PCGF5: variants seen among roughly 807,000 people sequenced by gnomAD.
PCGF5 encodes polycomb group ring finger 5.
A neutral mutation model predicts 44.3 loss-of-function variants in PCGF5; 9 were observed. The observed-to-expected ratio is 0.20, with a 90% confidence interval of 0.12 to 0.35. The LOEUF (loss-of-function observed/expected upper bound fraction) is 0.35, where lower values mean the gene tolerates loss of function less well. Among genes scored for constraint, PCGF5 ranks in the 10% least tolerant of loss-of-function variants. The pLI, the probability that PCGF5 is intolerant of heterozygous loss-of-function variation, is 1.00. For synonymous variants in PCGF5, 95 were observed against 102.5 expected (o/e 0.93, Z 0.44); for missense variants, 146 against 305.3 (o/e 0.48, Z 3.89).
intron 6 of PCGF5, among the ~76,000 whole-genome samples, chr10:91,259,973 A>G (rs1845856131): frequency 6.6e-6 from 1 of 151,796 alleles, no homozygotes; most frequent in African/African-American, 2.4e-5. Context: ...ATGGGATCTA[A>G]TTAAACTAAA....
intron 2 of PCGF5, among the ~76,000 whole-genome samples, chr10:91,226,324 G>A (rs541346028): frequency 8.1e-5 from 11 of 136,338 alleles, no homozygotes; most frequent in African/African-American, 2.4e-4. Context: ...ATGCTGTTAA[G>A]TGCAATGAGG....
At chr10:91,201,698 G>A (rs1004247995) in intron 1 of PCGF5, among the ~76,000 whole-genome samples, 20 of 149,318 alleles carry the variant, frequency 1.3e-4, no homozygotes, top group Non-Finnish European at 2.5e-4. Flanking sequence ...CATTTGTTCT[G>A]TATTGAGTTC....
At chr10:91,202,779 GGC>G (rs1844276702) in intron 1 of PCGF5, among the ~76,000 whole-genome samples, 1 of 152,060 alleles carries the variant, frequency 6.6e-6, no homozygotes, top group South Asian at 2.1e-4. Context: ...CGAAAAGATT[GGC>G]CATTTATGCT....
chr10:91,273,997 A>G (rs1023639727), intron 9 of PCGF5, among the ~76,000 whole-genome samples: 5 of 151,914 alleles, frequency 3.3e-5, no homozygotes, highest in Non-Finnish European at 7.4e-5. Context: ...AATTGAAATA[A>G]TTATACAAAG....
chr10:91,189,705 A>G (rs1843997608), intron 1 of PCGF5, among the ~76,000 whole-genome samples: 1 of 152,228 alleles, frequency 6.6e-6, no homozygotes. Context: ...GCCCTGCACA[A>G]TGCATGGGGT....
rs963238075 is a variant in PCGF5 at position 91,279,364 on chromosome 10, A to G, written c.*1048A>G. Reference sequence around the variant, plus strand: ...TGTTAGTTACCTTTCACATTTCCAAACTATGTGCATAAAATAGAATAAATG... The same window carrying G: ...TGTTAGTTACCTTTCACATTTCCAAGCTATGTGCATAAAATAGAATAAATG... On this transcript the variant is annotated 3_prime_UTR_variant, in exon 10 of 10. Transcript: ENST00000336126. The G allele has an allele frequency of 6.6e-6, 1 of 152,172 alleles. No homozygotes were observed. Among genetic ancestry groups the G allele is most frequent in the Non-Finnish European group, 1.5e-5 (1 of 68,006 alleles). The allele number at this position is 152,172 out of a possible 1,614,324, so 9.4% of individuals were successfully genotyped here.
At chr10:91,165,733 C>A (rs538214514) in intron 1 of PCGF5, among the ~76,000 whole-genome samples, 7 of 152,240 alleles carry the variant, frequency 4.6e-5, no homozygotes, top group East Asian at 3.9e-4. Flanking sequence ...TTTTAAACAT[C>A]TTAAATGGAT....
chr10:91,183,737 A>G (rs932661315), intron 1 of PCGF5, among the ~76,000 whole-genome samples: 1 of 152,150 alleles, frequency 6.6e-6, no homozygotes, highest in Non-Finnish European at 1.5e-5. Context: ...TGTGTCCTTC[A>G]GGAGTCTTGT....
At position 91,174,877 on chromosome 10, in the gene PCGF5, G is replaced by C. The variant is rs892573694; in HGVS notation, c.-184+11796G>C. ...AGTCTCTCCTGCAACACCATTACAG[G>C]CATGGTAAATATGAGAAGAGGCAAC... On this transcript the variant is annotated intron_variant, in intron 1 of 9. Transcript: ENST00000614189. 3.3e-5 allele frequency among the ~76,000 whole-genome samples: 5 copies of C among 152,296 alleles called. No individual in the cohort carries two copies. In the East Asian group the frequency reaches 9.6e-4, roughly 29 times the overall value.
In PCGF5 at chr10:91,197,153, C is replaced by T. The variant is rs1844148699; in HGVS notation, c.-183-25536C>T. Among the ~76,000 whole-genome samples, 11 of 152,324 alleles carry T rather than the reference C, an allele frequency of 7.2e-5. No individual in the cohort carries two copies. The South Asian group carries it at 2.3e-3, about 32-fold the overall frequency. On this transcript the variant is annotated intron_variant, in intron 1 of 9. Coordinates refer to the PCGF5 transcript ENST00000614189. Reference sequence around the variant, plus strand: ...CAAACAACAGTAATCATTTATCTCTCACAGTTTCTGTGAGTCAGGAATTTG... The same window carrying T: ...CAAACAACAGTAATCATTTATCTCTTACAGTTTCTGTGAGTCAGGAATTTG...
chr10:91,268,553 C>T (rs1846100121), intron 8 of PCGF5, among the ~76,000 whole-genome samples: 1 of 152,046 alleles, frequency 6.6e-6, no homozygotes, highest in South Asian at 2.1e-4. Context: ...GTGAGTAGAT[C>T]TGTCATTTTC....
At position 91,204,667 on chromosome 10, in the gene PCGF5, A is replaced by AT. The variant is rs1170859460; in HGVS notation, c.-183-18021dup. 2.0e-5 allele frequency among the ~76,000 whole-genome samples: 3 copies of AT among 152,220 alleles called. No homozygotes were observed. The East Asian group carries it at 5.8e-4, about 29-fold the overall frequency. ...AATGCAAAGAAGGAGAGCTCTGAGG[A>AT]TAAAAATAGTTGTACATAACAAAAG... On this transcript the variant is annotated intron_variant, in intron 1 of 9. Coordinates refer to the PCGF5 transcript ENST00000614189.
At chr10:91,257,092 A>C (rs1468737009) in intron 6 of PCGF5, among the ~76,000 whole-genome samples, 1 of 152,130 alleles carries the variant, frequency 6.6e-6, no homozygotes, top group East Asian at 1.9e-4. Flanking sequence ...AGGTATATGA[A>C]GAACTCTTAT....
chr10:91,267,305 A>T (rs903193299), intron 8 of PCGF5, among the ~76,000 whole-genome samples: 2 of 152,066 alleles, frequency 1.3e-5, no homozygotes, highest in Non-Finnish European at 2.9e-5. Flanking sequence ...TCCCGATGGC[A>T]TTCTTACTCC....
At position 91,272,055 on chromosome 10, in the gene PCGF5, T is replaced by C. The variant is rs1589412256; in HGVS notation, c.723+358T>C. Among the ~76,000 whole-genome samples, 3 of 152,356 alleles carry C rather than the reference T, an allele frequency of 2.0e-5. No homozygotes were observed. In the East Asian group the frequency reaches 5.8e-4, roughly 29 times the overall value. On this transcript the variant is annotated intron_variant, in intron 9 of 9. Transcript: ENST00000336126. ...GTGAATCATTCAACCACAAGTGAAA[T>C]ATAAAATGCCAAATTAGGTGAAGCT...
intron 2 of PCGF5, among the ~76,000 whole-genome samples, chr10:91,238,650 A>G (rs554425785): frequency 2.2e-4 from 20 of 92,406 alleles, no homozygotes; most frequent in Middle Eastern, 0.014. Context: ...CCCAAATTTC[A>G]GAGACTTATC....
chr10:91,198,220 C>T (rs1376417098), intron 1 of PCGF5, among the ~76,000 whole-genome samples: 1 of 152,152 alleles, frequency 6.6e-6, no homozygotes, highest in Non-Finnish European at 1.5e-5. Flanking sequence ...TACAGTGGCC[C>T]AGAAGAGCCT....
chr10:91,260,504 T>G lies in PCGF5; in HGVS notation c.475-822T>G, dbSNP rs61875625. 3.2e-3 allele frequency among the ~76,000 whole-genome samples: 486 copies of G among 152,274 alleles called. 3 individuals are homozygous for G. The highest frequency in any genetic ancestry group is 5.8e-3 in the Non-Finnish European group (393 of 68,034). On this transcript the variant is annotated intron_variant, in intron 6 of 9. Transcript: ENST00000336126. ...TAAATCATGCTGCTATAAAGACACATGCACACATATGTTTATTGTGGCACT... is the reference window on the plus strand; with the variant it reads ...TAAATCATGCTGCTATAAAGACACAGGCACACATATGTTTATTGTGGCACT...
chr10:91,191,393 A>G (rs190950632), intron 1 of PCGF5, among the ~76,000 whole-genome samples: 4 of 152,334 alleles, frequency 2.6e-5, no homozygotes, highest in Admixed American at 2.0e-4. Context: ...TTCACCACAG[A>G]GAGGGACCAC....
Sources: gnomAD v4.1 joint callset for allele counts (sites outside exome capture counted in the v4.1 genomes callset) on GRCh38, gnomAD v4.1.1 for gene constraint, MANE v1.5 for transcripts, NCBI Gene and HGNC (gene_info 2026-07-23, HGNC 2026-07-21) for gene names.